The following GPR137C variants were observed in gnomAD, a reference collection of about 807,000 sequenced individuals.
GPR137C encodes the protein integral membrane protein GPR137C.
In GPR137C, 27 loss-of-function variants were observed where a neutral mutation model predicts 43.4. That is an observed-to-expected ratio of 0.62 (90% CI 0.46 to 0.86). GPR137C has a LOEUF of 0.86. Ranked by LOEUF, GPR137C falls within the 40% of genes least tolerant of loss-of-function variation. GPR137C has a pLI of 0.00. For missense variants in GPR137C, 522 were observed against 534.6 expected (o/e 0.98, Z 0.23); for synonymous variants, 285 against 226.9 (o/e 1.26, Z -2.30).
chr14:52,581,825 C>T (rs1345393840), intron 1 of GPR137C, among the ~76,000 whole-genome samples: 2 of 152,124 alleles, frequency 1.3e-5, no homozygotes, highest in Admixed American at 1.3e-4. Context: ...ATTAGATATG[C>T]TCTCCAGTAA....
At chr14:52,623,890 A>G (rs1231787109) in intron 3 of GPR137C, among the ~76,000 whole-genome samples, 4 of 151,848 alleles carry the variant, frequency 2.6e-5, no homozygotes, top group African/African-American at 9.7e-5. Flanking sequence ...AGTGTCAAGT[A>G]TAGTTCATTA....
At chr14:52,572,844 A>G (rs1383973947) in intron 1 of GPR137C, among the ~76,000 whole-genome samples, 1 of 152,182 alleles carries the variant, frequency 6.6e-6, no homozygotes, top group Non-Finnish European at 1.5e-5. Flanking sequence ...ATACTTAGAA[A>G]ACCCCATTGT....
At chr14:52,607,883 A>G (rs1040659209) in intron 3 of GPR137C, among the ~76,000 whole-genome samples, 1 of 152,090 alleles carries the variant, frequency 6.6e-6, no homozygotes, top group South Asian at 2.1e-4. Flanking sequence ...TCAAAAAAAA[A>G]AAAAGAAAAA....
intron 3 of GPR137C, among the ~76,000 whole-genome samples, chr14:52,622,938 G>A (rs2039177192): frequency 1.3e-5 from 2 of 152,082 alleles, no homozygotes; most frequent in Admixed American, 6.5e-5. Flanking sequence ...TGCCGGTACA[G>A]TTCATTGCCA....
At chr14:52,580,780 A>G (rs1367342720) in intron 1 of GPR137C, among the ~76,000 whole-genome samples, 1 of 147,136 alleles carries the variant, frequency 6.8e-6, no homozygotes, top group Non-Finnish European at 1.5e-5. Context: ...TAGTATATAT[A>G]TCTACTAAAT....
rs377264382 is a variant in GPR137C at position 52,598,278 on chromosome 14, T to G, written c.451T>G (p.Cys151Gly). 2.2e-6 allele frequency: 3 copies of G among 1,364,444 alleles called. No individual in the cohort carries two copies. In the African/African-American group the frequency reaches 4.4e-5, roughly 20 times the overall value. 84.5% of individuals were successfully genotyped at this position (1,364,444 alleles called of 1,614,324 possible). A position where few individuals can be genotyped will look rare whatever the true frequency, so the allele number is the denominator to read the frequency against. ...LLNLYLAEVI[C>G]KVRCATELDR... ...TTTTATATTCTCTTTATAGGTTATA[T>G]GTAAAGTCAGATGTGCCACTGAACT... Residue 151 changes from cysteine (C) to glycine (G), a missense_variant, in exon 2 of 7, where the codon TGT becomes GGT. Cys to Gly is a radical substitution (Grantham distance 159). Coordinates refer to ENST00000321662, the MANE Select transcript of GPR137C (RefSeq NM_001099652.2).
At chr14:52,626,957 C>A (rs1018272291) in intron 3 of GPR137C, among the ~76,000 whole-genome samples, 3 of 152,144 alleles carry the variant, frequency 2.0e-5, no homozygotes, top group East Asian at 1.9e-4. Flanking sequence ...CTAAGAAAAA[C>A]CAAAGAAGAC....
intron 3 of GPR137C, among the ~76,000 whole-genome samples, chr14:52,628,110 C>G (rs1457426851): frequency 6.6e-6 from 1 of 152,118 alleles, no homozygotes; most frequent in Admixed American, 6.5e-5. Context: ...TATGTTGAAA[C>G]TTAGTATAAA....
At chr14:52,595,637 G>A (rs539042606) in intron 1 of GPR137C, among the ~76,000 whole-genome samples, 4 of 152,168 alleles carry the variant, frequency 2.6e-5, no homozygotes, top group South Asian at 2.1e-4. Flanking sequence ...CATGCATCAC[G>A]AAGTTCTCAT....
At chr14:52,580,937 A>AAAGT (rs2038636465) in intron 1 of GPR137C, among the ~76,000 whole-genome samples, 1 of 150,114 alleles carries the variant, frequency 6.7e-6, no homozygotes, top group South Asian at 2.1e-4. Context: ...GGTGGCTCAC[A>AAAGT]CCTGTAATCC....
chr14:52,568,525 A>G (rs1231455329), intron 1 of GPR137C, among the ~76,000 whole-genome samples: 1 of 152,166 alleles, frequency 6.6e-6, no homozygotes, highest in African/African-American at 2.4e-5. Context: ...TCCCACTCCC[A>G]TGGAGCCCAG....
intron 1 of GPR137C, among the ~76,000 whole-genome samples, chr14:52,567,599 G>T (rs777889162): frequency 4.5e-4 from 68 of 151,422 alleles, no homozygotes; most frequent in Non-Finnish European, 8.4e-4. Context: ...TCTAGAATAA[G>T]CAGTTGTAAG....
intron 3 of GPR137C, among the ~76,000 whole-genome samples, chr14:52,616,451 G>A (rs767227026): frequency 2.0e-5 from 3 of 151,984 alleles, no homozygotes; most frequent in Non-Finnish European, 4.4e-5. Flanking sequence ...GAGCCACCAC[G>A]CCCAGGCTAA....
chr14:52,574,574 G>T (rs1001205530), intron 1 of GPR137C, among the ~76,000 whole-genome samples: 14 of 152,162 alleles, frequency 9.2e-5, no homozygotes, highest in Admixed American at 9.2e-4. Context: ...TAGGTGGGGA[G>T]CTAGCAGAGG....
rs140910740 is a variant in GPR137C, at chr14:52,635,414, A to G, written c.*299A>G. 2.9e-4 allele frequency: 69 copies of G among 241,596 alleles called. No homozygotes were observed. The highest frequency in any genetic ancestry group is 5.1e-4 in the African/African-American group (22 of 43,436). The allele number at this position is 241,596 out of a possible 1,614,324, so 15.0% of individuals were successfully genotyped here. A position where few individuals can be genotyped will look rare whatever the true frequency, so the allele number is the denominator to read the frequency against. On this transcript the variant is annotated 3_prime_UTR_variant, in exon 7 of 7. Transcript: ENST00000321662. The stretch of plus-strand genomic sequence containing the variant: ...TATGTGCACTTTTATCTTTGTTCTG[A>G]GTCACTGCAGTCCCCAAAGTCATAT...
chr14:52,595,505 C>CT (rs2038842259), intron 1 of GPR137C, among the ~76,000 whole-genome samples: 1 of 152,146 alleles, frequency 6.6e-6, no homozygotes, highest in East Asian at 1.9e-4. Flanking sequence ...TTCTTGGAGG[C>CT]TTTTTTCATT....
chr14:52,578,050 T>C (rs906175782), intron 1 of GPR137C, among the ~76,000 whole-genome samples: 1 of 152,152 alleles, frequency 6.6e-6, no homozygotes, highest in African/African-American at 2.4e-5. Flanking sequence ...CTCTATACAA[T>C]TCTGATTTTT....
At chr14:52,602,272 T>G (rs1452425199) in intron 3 of GPR137C, among the ~76,000 whole-genome samples, 1 of 151,994 alleles carries the variant, frequency 6.6e-6, no homozygotes, top group African/African-American at 2.4e-5. Context: ...AACAAGTGTT[T>G]ATTGAGCATC....
At chr14:52,632,418 C>G in intron 4 of GPR137C, 109 bp downstream of exon 4, 2 of 741,796 alleles carry the variant, frequency 2.7e-6, no homozygotes, top group Non-Finnish European at 4.4e-6. Flanking sequence ...GAATCTCTGT[C>G]TACTGTCAGT....
Sources: allele counts gnomAD v4.1 joint callset (sites outside exome capture counted in the v4.1 genomes callset), GRCh38; gene constraint gnomAD v4.1.1; transcripts MANE v1.5; gene names NCBI Gene and HGNC (gene_info 2026-07-23, HGNC 2026-07-21).